CELF4: variants seen among roughly 807,000 people sequenced by gnomAD.
CELF4 encodes the protein CUG-BP- and ETR-3-like factor 4.
CELF4 carries 18 observed loss-of-function variants against 59.9 expected under a neutral mutation model. The observed-to-expected ratio is 0.30, with a 90% CI of 0.21 to 0.45. CELF4 has a LOEUF of 0.45. Ranked by LOEUF, CELF4 falls within the 20% of genes least tolerant of loss-of-function variation. The pLI, the probability that CELF4 is intolerant of heterozygous loss-of-function variation, is 1.00. For synonymous variants in CELF4, 261 were observed against 267.1 expected (o/e 0.98, Z 0.22); for missense variants, 456 against 689.0 (o/e 0.66, Z 3.79).
At chr18:37,517,649 G>A (rs140216263) in intron 1 of CELF4, among the ~76,000 whole-genome samples, 2 of 152,338 alleles carry the variant, frequency 1.3e-5, no homozygotes, top group African/African-American at 2.4e-5. Flanking sequence ...CAGCGTGGCT[G>A]TGGCACCCTC....
intron 1 of CELF4, among the ~76,000 whole-genome samples, chr18:37,534,396 C>A (rs966804837): frequency 6.6e-6 from 1 of 152,164 alleles, no homozygotes; most frequent in Non-Finnish European, 1.5e-5. Context: ...GGGCAGGCCG[C>A]TGTCCCTCGG....
chr18:37,258,413 GT>G (rs2154295431), intron 11 of CELF4, among the ~76,000 whole-genome samples: 1 of 152,158 alleles, frequency 6.6e-6, no homozygotes, highest in East Asian at 1.9e-4. Flanking sequence ...TCCTTTTTGT[GT>G]ATTTATATCC....
At chr18:37,456,466 G>A (rs999923093) in intron 2 of CELF4, among the ~76,000 whole-genome samples, 1 of 152,074 alleles carries the variant, frequency 6.6e-6, no homozygotes, top group Non-Finnish European at 1.5e-5. Context: ...GTCCTGCTCC[G>A]TCCAGCCCTG....
intron 1 of CELF4, among the ~76,000 whole-genome samples, chr18:37,528,008 T>TA (rs1403952651): frequency 6.6e-6 from 1 of 152,172 alleles, no homozygotes; most frequent in Non-Finnish European, 1.5e-5. Context: ...GGTAGATACT[T>TA]AAAATCACAG....
intron 2 of CELF4, among the ~76,000 whole-genome samples, chr18:37,367,196 G>C (rs1191802625): frequency 6.6e-6 from 1 of 152,144 alleles, no homozygotes; most frequent in African/African-American, 2.4e-5. Context: ...GGTGGTGGTG[G>C]TGATGGTGGT....
At chr18:37,248,858 G>T (rs566284150) in intron 12 of CELF4, among the ~76,000 whole-genome samples, 117 of 151,996 alleles carry the variant, frequency 7.7e-4, no homozygotes, top group African/African-American at 2.8e-3. Context: ...TCAGGCCTGG[G>T]CCAAGGCCTG....
chr18:37,547,635 C>T (rs936362986), intron 1 of CELF4, among the ~76,000 whole-genome samples: 3 of 152,204 alleles, frequency 2.0e-5, no homozygotes, highest in African/African-American at 7.2e-5. Context: ...CAAATGCCTT[C>T]TGTTTATTTG....
chr18:37,510,902 A>G (rs968591233), intron 1 of CELF4, among the ~76,000 whole-genome samples: 2 of 152,078 alleles, frequency 1.3e-5, no homozygotes, highest in African/African-American at 4.8e-5. Context: ...GGCCTTCTGG[A>G]GGCAGCTCTG....
At chr18:37,470,213 G>A (rs1242797177) in intron 2 of CELF4, among the ~76,000 whole-genome samples, 1 of 152,230 alleles carries the variant, frequency 6.6e-6, no homozygotes, top group Non-Finnish European at 1.5e-5. Flanking sequence ...CAAATAAGCA[G>A]TGTAGACGAA....
At chr18:37,465,908 G>A (rs985001880) in intron 2 of CELF4, among the ~76,000 whole-genome samples, 3 of 152,170 alleles carry the variant, frequency 2.0e-5, no homozygotes, top group African/African-American at 4.8e-5. Context: ...TATGCTGGCA[G>A]CAGAATCATG....
chr18:37,343,327 T>TTATGTG (rs2098123546), intron 2 of CELF4, among the ~76,000 whole-genome samples: 1 of 117,982 alleles, frequency 8.5e-6, no homozygotes, highest in Non-Finnish European at 1.8e-5. Context: ...TGGGTGTTGA[T>TTATGTG]TCTGTGTGTG....
At chr18:37,275,576 ACCCCTCAC>A in intron 3 of CELF4, 1 of 314,590 alleles carries the variant, frequency 3.2e-6, no homozygotes, top group Non-Finnish European at 6.1e-6. Flanking sequence ...CCCTGGGCTG[ACCCCTCAC>A]TAGAGCACAC....
chr18:37,428,627 G>A (rs368724869), intron 2 of CELF4, among the ~76,000 whole-genome samples: 2 of 152,194 alleles, frequency 1.3e-5, no homozygotes, highest in East Asian at 1.9e-4. Context: ...TCCCAAACAG[G>A]ATCATCGAAT....
intron 2 of CELF4, among the ~76,000 whole-genome samples, chr18:37,444,073 T>C (rs551914960): frequency 4.6e-5 from 7 of 152,310 alleles, no homozygotes; most frequent in African/African-American, 1.7e-4. Context: ...TGCCTCAATG[T>C]TCTCATCTGT....
At chr18:37,524,075 TAGATG>T (rs1177216389) in intron 1 of CELF4, among the ~76,000 whole-genome samples, 8 of 152,186 alleles carry the variant, frequency 5.3e-5, no homozygotes, top group African/African-American at 1.2e-4. Context: ...CCAAGGAGGT[TAGATG>T]AGATAATATT....
chr18:37,505,819 C>T (rs1392730808), intron 1 of CELF4, among the ~76,000 whole-genome samples: 1 of 152,216 alleles, frequency 6.6e-6, no homozygotes, highest in Non-Finnish European at 1.5e-5. Flanking sequence ...ACATGTGAAG[C>T]TCCCAGTACA....
At chr18:37,364,360 C>A (rs1355232932) in intron 2 of CELF4, among the ~76,000 whole-genome samples, 2 of 152,226 alleles carry the variant, frequency 1.3e-5, no homozygotes, top group Non-Finnish European at 2.9e-5. Flanking sequence ...TTCTCCCTGG[C>A]AGCCACTTCA....
At chr18:37,414,848 C>G (rs1040611810) in intron 2 of CELF4, among the ~76,000 whole-genome samples, 2 of 152,074 alleles carry the variant, frequency 1.3e-5, no homozygotes, top group East Asian at 1.9e-4. Flanking sequence ...TACCCATCCA[C>G]TCATCCATCT....
chr18:37,550,505 G>A (rs2099982852), intron 1 of CELF4, among the ~76,000 whole-genome samples: 1 of 152,232 alleles, frequency 6.6e-6, no homozygotes, highest in Non-Finnish European at 1.5e-5. Flanking sequence ...AACTTTCCCA[G>A]AGTTGGTGCT....
Sources: allele counts gnomAD v4.1 joint callset (sites outside exome capture counted in the v4.1 genomes callset), GRCh38; gene constraint gnomAD v4.1.1; transcripts MANE v1.5; gene names NCBI Gene and HGNC (gene_info 2026-07-23, HGNC 2026-07-21).